RNASE9: variants seen among roughly 807,000 people sequenced by gnomAD.
The protein encoded by RNASE9 is ribonuclease A family member 9 (inactive), also known as inactive ribonuclease-like protein 9.
For missense variants in RNASE9, 263 were observed against 247.1 expected (o/e 1.06, Z -0.43); for synonymous variants, 95 against 87.6 (o/e 1.08, Z -0.47).
rs754682847 is a variant in RNASE9 at position 20,556,952 on chromosome 14, T to TA, written c.117dup (p.Lys40Ter). ...AAACACTCTTCAAATTCTTCTTTTT[T>TA]ATCTTCTTCTGGGAAATCAAAATCT... On this transcript the variant is annotated frameshift_variant, in exon 3 of 3. Coordinates refer to ENST00000555230, the Ensembl canonical transcript of RNASE9. LOFTEE classifies it low-confidence loss of function (END_TRUNC). 68 of 1,614,090 alleles carry TA rather than the reference T, an allele frequency of 4.2e-5. No homozygotes were observed. The highest frequency in any genetic ancestry group is 8.3e-5 in the Admixed American group (5 of 60,004).
chr14:20,560,388 T>C (rs1024306749), intron 1 of RNASE9: 5 of 152,080 alleles, frequency 3.3e-5, no homozygotes, highest in African/African-American at 1.2e-4. Context: ...AAAGAAATTG[T>C]TATAATTTTT....
exon 3 of RNASE9, chr14:20,557,230 C>A (rs910598889): frequency 1.8e-5 from 13 of 709,782 alleles, no homozygotes; most frequent in Non-Finnish European, 2.7e-5. Context: ...GATCTGAATA[C>A]TTCTAAATTA....
chr14:20,556,945 T>G, exon 3 of RNASE9: 4 of 1,614,194 alleles, frequency 2.5e-6, no homozygotes, highest in Non-Finnish European at 3.4e-6. Flanking sequence ...TTCAAATTCT[T>G]CTTTTTTATC....
At chr14:20,560,570 G>A (rs1348305909) in intron 1 of RNASE9, among the ~76,000 whole-genome samples, 3 of 151,838 alleles carry the variant, frequency 2.0e-5, no homozygotes, top group Non-Finnish European at 4.4e-5. Context: ...TGTGGGAAAG[G>A]GAAAGGTTAA....
intron 1 of RNASE9, among the ~76,000 whole-genome samples, chr14:20,560,004 T>G (rs1883891191): frequency 6.6e-6 from 1 of 152,106 alleles, no homozygotes; most frequent in African/African-American, 2.4e-5. Flanking sequence ...AAAATGCAAG[T>G]TCTGAGCCCC....
chr14:20,559,810 G>A (rs1883880952), intron 1 of RNASE9, among the ~76,000 whole-genome samples, 177 bp from the exon 2 acceptor site: 2 of 152,188 alleles, frequency 1.3e-5, no homozygotes, highest in Admixed American at 6.5e-5. Flanking sequence ...GAAGAAGAAT[G>A]GGATGAATTG....
rs1472431009 is a variant in RNASE9, at chr14:20,556,497, G to A, written c.573C>T (p.His191=). Residue 191 remains histidine, a synonymous_variant, in exon 3 of 3, where the codon CAC becomes CAT. Transcript: ENST00000555230. ...CACCATCCTCACTGAGGAAACTTCT[G>A]TGTTCAGGTGGCTCCACGAGATCAT... 3.1e-6 allele frequency: 5 copies of A among 1,613,354 alleles called. No individual in the cohort carries two copies. In the African/African-American group the frequency reaches 5.3e-5, roughly 17 times the overall value.
At chr14:20,558,752 T>A in intron 2 of RNASE9, 1 of 656,136 alleles carries the variant, frequency 1.5e-6, no homozygotes, top group Non-Finnish European at 2.8e-6. Flanking sequence ...CTGTCCAGAA[T>A]ACTCTTTTGT....
intron 2 of RNASE9, chr14:20,558,758 T>A: frequency 1.6e-6 from 1 of 641,840 alleles, no homozygotes; most frequent in African/African-American, 1.8e-5. Flanking sequence ...AGAATACTCT[T>A]TTGTTTTTTA....
At position 20,556,621 on chromosome 14, in the gene RNASE9, A is replaced by G. The variant is rs762928729; in HGVS notation, c.449T>C (p.Ile150Thr). The G allele has an allele frequency of 2.2e-5, 35 of 1,613,608 alleles. No homozygotes were observed. In the South Asian group the frequency reaches 3.8e-4, roughly 18 times the overall value. The change falls in exon 3 of 3, where the codon ATA becomes ACA. Residue 150 changes from isoleucine to threonine, a missense_variant. Transcript: ENST00000555230. The stretch of plus-strand genomic sequence containing the variant: ...AAGTGATTCGTATTTACACGCTGGT[A>G]TTTCAAATGCTTCTGTTAAATTACA...
chr14:20,558,442 T>G, exon 3 of RNASE9: 1 of 788,064 alleles, frequency 1.3e-6, no homozygotes, highest in Non-Finnish European at 2.2e-6. Context: ...AAAGAAAAAG[T>G]TGCCTAAAAT....
exon 3 of RNASE9, chr14:20,556,225 G>A (rs1252026512): frequency 4.1e-5 from 20 of 485,820 alleles, no homozygotes; most frequent in Admixed American, 1.0e-4. Context: ...ATCTGTATCC[G>A]TAACACATTC....
exon 3 of RNASE9, chr14:20,558,441 G>A: frequency 1.3e-6 from 1 of 787,660 alleles, no homozygotes; most frequent in Admixed American, 2.0e-5. Flanking sequence ...AAAAGAAAAA[G>A]TTGCCTAAAA....
At chr14:20,558,710 C>T (rs1883817934) in intron 2 of RNASE9, 1 of 871,668 alleles carries the variant, frequency 1.1e-6, no homozygotes, top group Non-Finnish European at 1.9e-6. Context: ...TGTGGCCCTG[C>T]CCTTTCTACT....
exon 3 of RNASE9, chr14:20,558,638 G>C (rs1883814466): frequency 6.6e-7 from 1 of 1,507,558 alleles, no homozygotes; most frequent in Middle Eastern, 1.7e-4. Flanking sequence ...CGGAGCCTCT[G>C]CAACATCTTG....
rs1317417058 is a variant in RNASE9, at chr14:20,556,496, T to A, written c.574A>T (p.Arg192Ter). ...ACACCATCCTCACTGAGGAAACTTC[T>A]GTGTTCAGGTGGCTCCACGAGATCA... The change falls in exon 3 of 3, where the codon AGA (arginine) becomes TGA (stop). Residue 192 changes from arginine to a stop codon, truncating the protein, a stop_gained. Transcript: ENST00000555230. LOFTEE classifies it low-confidence loss of function (END_TRUNC). 1.1e-5 allele frequency: 17 copies of A among 1,613,548 alleles called. No homozygotes were observed. The highest frequency in any genetic ancestry group is 1.4e-5 in the Non-Finnish European group (17 of 1,179,456).
chr14:20,556,765 T>C (rs1407397692), exon 3 of RNASE9: 3 of 1,613,994 alleles, frequency 1.9e-6, no homozygotes, highest in East Asian at 2.2e-5. Context: ...AAGGAAGTAA[T>C]GTTCTGCCAC....
chr14:20,560,441 TTTCTC>T (rs1297696110), intron 1 of RNASE9: 2 of 151,390 alleles, frequency 1.3e-5, no homozygotes, highest in Non-Finnish European at 3.0e-5. Flanking sequence ...AGCTGATACT[TTTCTC>T]TAGCATTTCA....
chr14:20,560,988 C>T (rs775117397), upstream of RNASE9: 2 of 152,186 alleles, frequency 1.3e-5, no homozygotes, highest in Non-Finnish European at 1.5e-5. Context: ...TCCCACTCTA[C>T]TCTCCTTTGT....
Sources: gnomAD v4.1 joint callset for allele counts (sites outside exome capture counted in the v4.1 genomes callset) on GRCh38, gnomAD v4.1.1 for gene constraint, MANE v1.5 for transcripts, NCBI Gene and HGNC (gene_info 2026-07-23, HGNC 2026-07-21) for gene names.